ARHGEF10L: variants seen among roughly 807,000 people sequenced by gnomAD.
The protein encoded by ARHGEF10L is rho guanine nucleotide exchange factor 10-like protein.
In ARHGEF10L, 69 loss-of-function variants were observed where a neutral mutation model predicts 141.2. The observed-to-expected ratio is 0.49, with a 90% CI of 0.40 to 0.60. The LOEUF (loss-of-function observed/expected upper bound fraction) is 0.60. ARHGEF10L is among the 20% of genes least tolerant of loss of function. The pLI, the probability that ARHGEF10L is intolerant of heterozygous loss-of-function variation, is 0.00. For missense variants in ARHGEF10L, 1,482 were observed against 1,734.3 expected (o/e 0.85, Z 2.58); for synonymous variants, 711 against 718.5 (o/e 0.99, Z 0.17).
chr1:17,694,494 T>C (rs1351050814), intron 27 of ARHGEF10L: 4 of 178,354 alleles, frequency 2.2e-5, no homozygotes, highest in Non-Finnish European at 4.8e-5. Context: ...CTATTCTTGC[T>C]AAAATGAAGA....
intron 1 of ARHGEF10L, among the ~76,000 whole-genome samples, chr1:17,562,415 T>TCAAA (rs200652314): frequency 1.3e-5 from 2 of 151,852 alleles, no homozygotes; most frequent in Admixed American, 6.6e-5. Flanking sequence ...AGACCTTGTC[T>TCAAA]CAAACAAACA....
At chr1:17,549,067 G>A (rs1444841240) in intron 1 of ARHGEF10L, among the ~76,000 whole-genome samples, 7 of 151,172 alleles carry the variant, frequency 4.6e-5, no homozygotes, top group Non-Finnish European at 8.8e-5. Context: ...CTGTCACCCC[G>A]GCTGGAGTGT....
chr1:17,537,322 C>A (rs116197593), upstream of ARHGEF10L, among the ~76,000 whole-genome samples: 799 of 152,276 alleles, frequency 5.2e-3, 9 homozygotes, highest in African/African-American at 0.018. Flanking sequence ...GGTTTGGAAC[C>A]CTAGACCCAG....
intron 15 of ARHGEF10L, among the ~76,000 whole-genome samples, chr1:17,628,830 T>C (rs2060521292): frequency 6.6e-6 from 1 of 152,134 alleles, no homozygotes; most frequent in South Asian, 2.1e-4. Flanking sequence ...CTTTACAGTA[T>C]AGAATGCTGT....
intron 26 of ARHGEF10L, among the ~76,000 whole-genome samples, chr1:17,668,862 G>A (rs1003235162): frequency 2.0e-5 from 3 of 152,196 alleles, no homozygotes; most frequent in East Asian, 1.9e-4. Flanking sequence ...CCACCTTGGC[G>A]CTGGAGATCT....
At chr1:17,575,101 C>T (rs1384010976) in intron 1 of ARHGEF10L, among the ~76,000 whole-genome samples, 1 of 152,076 alleles carries the variant, frequency 6.6e-6, no homozygotes, top group Non-Finnish European at 1.5e-5. Flanking sequence ...CTAGTGTGTA[C>T]CCCGGGCCAG....
chr1:17,642,909 C>T (rs975576021), intron 21 of ARHGEF10L, among the ~76,000 whole-genome samples: 6 of 152,214 alleles, frequency 3.9e-5, no homozygotes, highest in Non-Finnish European at 7.3e-5. Context: ...CTGTTTGAAC[C>T]GCATGTGCTT....
intron 1 of ARHGEF10L, among the ~76,000 whole-genome samples, chr1:17,566,121 T>TAACAG (rs1485054036): frequency 2.6e-5 from 4 of 152,244 alleles, no homozygotes; most frequent in Non-Finnish European, 5.9e-5. Context: ...GGCCAGCGTC[T>TAACAG]GCTATAGATC....
intron 26 of ARHGEF10L, among the ~76,000 whole-genome samples, chr1:17,686,078 T>TTTTTC (rs565103037): frequency 3.6e-5 from 5 of 140,552 alleles, no homozygotes; most frequent in South Asian, 2.1e-4. Flanking sequence ...GTTTTGTTTT[T>TTTTTC]TTTCTTTCTT....
At chr1:17,638,821 C>A in intron 20 of ARHGEF10L, 132 bp downstream of exon 20, 1 of 1,345,810 alleles carries the variant, frequency 7.4e-7, no homozygotes, top group Non-Finnish European at 1.0e-6. Context: ...ATGTAGGCAT[C>A]GTGGGCCATG....
chr1:17,666,318 A>G (rs1244089415), intron 26 of ARHGEF10L, among the ~76,000 whole-genome samples: 1 of 152,182 alleles, frequency 6.6e-6, no homozygotes, highest in East Asian at 1.9e-4. Context: ...ATAATTGATC[A>G]GCAGCTCTTC....
At chr1:17,688,595 G>C (rs1335336322) in intron 27 of ARHGEF10L, among the ~76,000 whole-genome samples, 1 of 152,230 alleles carries the variant, frequency 6.6e-6, no homozygotes, top group Non-Finnish European at 1.5e-5. Flanking sequence ...CAGCAGCTGG[G>C]AGAGCCAAAG....
chr1:17,601,463 T>G (rs1482180937), intron 4 of ARHGEF10L, among the ~76,000 whole-genome samples: 1 of 152,182 alleles, frequency 6.6e-6, no homozygotes, highest in Non-Finnish European at 1.5e-5. Context: ...TTTTCCTTTT[T>G]TTGATGGAGT....
intron 25 of ARHGEF10L, among the ~76,000 whole-genome samples, chr1:17,663,425 C>A (rs112781098): frequency 6.6e-6 from 1 of 152,056 alleles, no homozygotes; most frequent in Non-Finnish European, 1.5e-5. Context: ...TGGTGGCGGG[C>A]GCCTATAATC....
intron 26 of ARHGEF10L, among the ~76,000 whole-genome samples, chr1:17,680,352 G>T (rs541253032): frequency 6.6e-6 from 1 of 152,364 alleles, no homozygotes; most frequent in East Asian, 1.9e-4. Context: ...TGAGTGCTGA[G>T]CTGCTCACCC....
chr1:17,616,779 G>A (rs1424379039), intron 9 of ARHGEF10L, among the ~76,000 whole-genome samples: 2 of 152,220 alleles, frequency 1.3e-5, no homozygotes, highest in African/African-American at 4.8e-5. Context: ...GGGGATGAAA[G>A]GTCAGGGAAG....
chr1:17,553,726 C>T (rs899197307), intron 1 of ARHGEF10L, among the ~76,000 whole-genome samples: 11 of 152,154 alleles, frequency 7.2e-5, no homozygotes, highest in Non-Finnish European at 1.5e-4. Context: ...GAGGTTGAGG[C>T]TGCAGTGAGC....
chr1:17,597,547 C>T (rs967427716), intron 4 of ARHGEF10L, among the ~76,000 whole-genome samples: 1 of 152,216 alleles, frequency 6.6e-6, no homozygotes, highest in African/African-American at 2.4e-5. Flanking sequence ...TATTCCTCTT[C>T]CCCTGCCTGG....
At position 17,697,729 on chromosome 1, in the gene ARHGEF10L, TGAGTGTGTGC is replaced by T. The variant is rs1276575430; in HGVS notation, c.*359_*368del. 7 of 505,302 alleles carry T rather than the reference TGAGTGTGTGC, an allele frequency of 1.4e-5. No homozygotes were observed. The East Asian group carries it at 3.7e-4, about 27-fold the overall frequency. 31.3% of individuals were successfully genotyped at this position (505,302 alleles called of 1,614,324 possible). On this transcript the variant is annotated 3_prime_UTR_variant, in exon 29 of 29. Transcript: ENST00000361221. This position sits in a 1 kb window ranked among gnomAD's most constrained non-coding sequence, Gnocchi z 4.8. Reference sequence around the variant, plus strand: ...CCCCTCCTGGAAGGGTGTGTGCGTGTGAGTGTGTGCGAGTGTGTGGGCTGGTGTGTGAATA... The same window carrying T: ...CCCCTCCTGGAAGGGTGTGTGCGTGTGAGTGTGTGGGCTGGTGTGTGAATA...
Sources: gnomAD v4.1 joint callset for allele counts (sites outside exome capture counted in the v4.1 genomes callset) on GRCh38, gnomAD v4.1.1 for gene constraint, Gnocchi (gnomAD v3.1) non-coding constraint, MANE v1.5 for transcripts, NCBI Gene and HGNC (gene_info 2026-07-23, HGNC 2026-07-21) for gene names.